COL25A1: variants seen among roughly 807,000 people sequenced by gnomAD.
COL25A1 encodes collagen alpha-1(XXV) chain.
In COL25A1, 103 loss-of-function variants were observed where a neutral mutation model predicts 128.4. The ratio of observed to expected loss-of-function variants is 0.80; its 90% CI spans 0.68 to 0.94. The LOEUF is 0.94. COL25A1 is among the 40% of genes least tolerant of loss of function. COL25A1 has a pLI of 0.00. For synonymous variants in COL25A1, 279 were observed against 277.2 expected (o/e 1.01, Z -0.06); for missense variants, 745 against 840.0 (o/e 0.89, Z 1.40).
At chr4:108,937,907 A>AT (rs1360912725) in intron 10 of COL25A1, 64 bp from the exon 11 acceptor site, 1 of 1,350,136 alleles carries the variant, frequency 7.4e-7, no homozygotes, top group Non-Finnish European at 1.0e-6. Flanking sequence ...CCCTTCAATC[A>AT]TTTTTTCTTC....
intron 3 of COL25A1, among the ~76,000 whole-genome samples, chr4:109,235,547 T>TAC (rs58377954): frequency 0.43 from 64,707 of 149,938 alleles, 16,267 homozygotes; most frequent in African/African-American, 0.7. Flanking sequence ...CACACACGAA[T>TAC]ACACACACAC....
chr4:108,841,841 G>A (rs1734497421), intron 30 of COL25A1, 120 bp from the exon 31 acceptor site: 1 of 811,252 alleles, frequency 1.2e-6, no homozygotes, highest in South Asian at 1.6e-5. Flanking sequence ...TGAGCTATAG[G>A]TAGAGGCAGG....
chr4:109,187,735 G>A (rs1775269081), intron 3 of COL25A1, among the ~76,000 whole-genome samples: 3 of 152,032 alleles, frequency 2.0e-5, no homozygotes, highest in Admixed American at 2.0e-4. Context: ...GGAGAAATGT[G>A]GTAATTTTGC....
At chr4:108,940,416 T>A in intron 10 of COL25A1, 123 bp downstream of exon 10, 1 of 811,468 alleles carries the variant, frequency 1.2e-6, no homozygotes. Flanking sequence ...CCCACTTCCC[T>A]CAACCCACTC....
At chr4:109,027,763 A>C (rs543747649) in intron 5 of COL25A1, among the ~76,000 whole-genome samples, 71 of 152,092 alleles carry the variant, frequency 4.7e-4, no homozygotes, top group African/African-American at 1.5e-3. Context: ...AGAGCAGTAA[A>C]AAATGACTCC....
intron 3 of COL25A1, among the ~76,000 whole-genome samples, chr4:109,260,430 GC>G (rs527365402): frequency 2.5e-4 from 38 of 152,162 alleles, no homozygotes; most frequent in African/African-American, 8.7e-4. Context: ...CTATACCTTA[GC>G]CCCCCTCCCA....
At chr4:109,011,319 T>A (rs1169440840) in intron 5 of COL25A1, among the ~76,000 whole-genome samples, 11 of 152,204 alleles carry the variant, frequency 7.2e-5, no homozygotes, top group African/African-American at 2.7e-4. Context: ...CCAGGAACTG[T>A]CTCTCTTAGC....
At chr4:109,021,380 T>C (rs1757742439) in intron 5 of COL25A1, among the ~76,000 whole-genome samples, 1 of 152,152 alleles carries the variant, frequency 6.6e-6, no homozygotes, top group African/African-American at 2.4e-5. Flanking sequence ...ATTGTGAAGA[T>C]TTCATGGACA....
intron 3 of COL25A1, among the ~76,000 whole-genome samples, chr4:109,235,688 GAA>G (rs1411116004): frequency 3.3e-5 from 5 of 152,134 alleles, no homozygotes; most frequent in Middle Eastern, 3.4e-3. Context: ...TGACAAAGAG[GAA>G]AGAATTCATC....
At chr4:109,162,540 T>C (rs1193001464) in intron 3 of COL25A1, among the ~76,000 whole-genome samples, 1 of 152,202 alleles carries the variant, frequency 6.6e-6, no homozygotes, top group African/African-American at 2.4e-5. Context: ...TACTTGGCTT[T>C]TGTTGGTCTC....
intron 3 of COL25A1, among the ~76,000 whole-genome samples, chr4:109,153,183 C>A (rs1194141531): frequency 6.6e-6 from 1 of 151,426 alleles, no homozygotes; most frequent in African/African-American, 2.4e-5. Flanking sequence ...GTCGGGAGTT[C>A]GAGACCAGCC....
chr4:108,958,149 C>G (rs3863120), intron 8 of COL25A1, among the ~76,000 whole-genome samples: 110,784 of 151,314 alleles, frequency 0.73, 40,996 homozygotes, highest in East Asian at 1. Flanking sequence ...TGGACACAAA[C>G]AAAAAAAAAT....
intron 27 of COL25A1, among the ~76,000 whole-genome samples, chr4:108,848,294 A>G (rs1343061351): frequency 6.6e-6 from 1 of 152,208 alleles, no homozygotes. Context: ...CTGTCAAGCT[A>G]CAAGTTCCCT....
At chr4:109,213,490 A>G (rs1777744860) in intron 3 of COL25A1, among the ~76,000 whole-genome samples, 1 of 152,156 alleles carries the variant, frequency 6.6e-6, no homozygotes, top group African/African-American at 2.4e-5. Flanking sequence ...AACCAGCTGC[A>G]CGCTGTTGAG....
intron 3 of COL25A1, among the ~76,000 whole-genome samples, chr4:109,076,754 G>C (rs1763413626): frequency 6.6e-6 from 1 of 151,850 alleles, no homozygotes; most frequent in Admixed American, 6.6e-5. Flanking sequence ...GTCCCATCTG[G>C]GGGTGATGGG....
chr4:109,239,420 A>ATGTATT (rs71594168), intron 3 of COL25A1, among the ~76,000 whole-genome samples: 141 of 124,332 alleles, frequency 1.1e-3, no homozygotes, highest in African/African-American at 1.1e-3. Flanking sequence ...ATATATATAT[A>ATGTATT]TATTTATTTA....
At chr4:109,119,257 A>T (rs1767896311) in intron 3 of COL25A1, among the ~76,000 whole-genome samples, 1 of 152,052 alleles carries the variant, frequency 6.6e-6, no homozygotes, top group African/African-American at 2.4e-5. Flanking sequence ...ATTAGAAAAG[A>T]AGAAATATCT....
intron 21 of COL25A1, among the ~76,000 whole-genome samples, chr4:108,863,013 A>G (rs1030287925): frequency 6.6e-6 from 1 of 152,250 alleles, no homozygotes; most frequent in African/African-American, 2.4e-5. Context: ...AGAAACTAAC[A>G]CAGCACTTAT....
At position 109,069,670 on chromosome 4, in the gene COL25A1, T is replaced by C. The variant is rs531561042; in HGVS notation, c.368-19491A>G. On this transcript the variant is annotated intron_variant, in intron 3 of 37. Transcript: ENST00000399132. Reference sequence around the variant, plus strand: ...AAAAGGAAGGTGGAACAATAAAGAATTGGGACGTGCAGTGCAAGCCAAGAC... The same window carrying C: ...AAAAGGAAGGTGGAACAATAAAGAACTGGGACGTGCAGTGCAAGCCAAGAC... Among the ~76,000 whole-genome samples, 26 of 152,252 alleles carry C rather than the reference T, an allele frequency of 1.7e-4. No individual in the cohort carries two copies. The South Asian group carries it at 5.2e-3, about 30-fold the overall frequency.
Sources: gnomAD v4.1 joint callset for allele counts (sites outside exome capture counted in the v4.1 genomes callset) on GRCh38, gnomAD v4.1.1 for gene constraint, MANE v1.5 for transcripts, NCBI Gene and HGNC (gene_info 2026-07-23, HGNC 2026-07-21) for gene names.